Variants in FAM186B observed in about 807,000 individuals in gnomAD.
FAM186B encodes protein FAM186B.
FAM186B carries 68 observed loss-of-function variants against 83.4 expected under a neutral mutation model. The observed-to-expected ratio is 0.81, with a 90% CI of 0.67 to 1.00. FAM186B has a LOEUF of 1.00. Among genes scored for constraint, FAM186B ranks in the 50% least tolerant of loss-of-function variants. The pLI, the probability that FAM186B is intolerant of heterozygous loss-of-function variation, is 0.00. For missense variants in FAM186B, 983 were observed against 1,099.2 expected (o/e 0.89, Z 1.49); for synonymous variants, 389 against 422.0 (o/e 0.92, Z 0.96).
Position 49,599,809 on chromosome 12 carries a change from T to G in FAM186B, c.1831A>C (p.Met611Leu). 1.2e-6 allele frequency: 2 copies of G among 1,613,348 alleles called. No homozygotes were observed. Among genetic ancestry groups the G allele is most frequent in the Non-Finnish European group, 1.7e-6 (2 of 1,179,570 alleles). ...CTGTAGGTAAACTCCACTGAACTCA[T>G]AGGTCTCTGCTTTCCCAGGGCAGGC... is the stretch of plus-strand genomic sequence containing the variant. ...QQPALGKQRP[M>L]SSVEFTYRPR... is the part of the protein sequence containing the mutation. Residue 611 changes from methionine (M) to leucine (L), a missense_variant, in exon 4 of 7, where the codon ATG (methionine) becomes CTG (leucine). By Grantham distance (15) the Met-to-Leu change is conservative. Transcript: ENST00000257894.
At chr12:49,582,904 G>A, downstream of FAM186B, 1 of 401,132 alleles carries the variant, frequency 2.5e-6, no homozygotes, top group Admixed American at 2.9e-5. Context: ...ATATATATTT[G>A]TCTTCCAACC....
the FAM186B span, among the ~76,000 whole-genome samples, chr12:49,613,951 C>A: frequency 6.6e-6 from 1 of 152,052 alleles, no homozygotes; most frequent in African/African-American, 2.4e-5. Flanking sequence ...GAGTTCAAGA[C>A]CAGCCTGGCC....
At chr12:49,610,210 A>G (rs950150352), upstream of FAM186B, among the ~76,000 whole-genome samples, 4 of 152,124 alleles carry the variant, frequency 2.6e-5, no homozygotes, top group Admixed American at 2.6e-4. Context: ...CCCCACACAC[A>G]AATTAGAATT....
At chr12:49,619,570 C>A in the FAM186B span, 1 of 681,010 alleles carries the variant, frequency 1.5e-6, no homozygotes, top group East Asian at 2.9e-5. Context: ...TTGGTATGGG[C>A]TATCATTCCA....
chr12:49,604,801 A>G, intron 1 of FAM186B: 1 of 357,562 alleles, frequency 2.8e-6, no homozygotes, highest in Non-Finnish European at 5.0e-6. Flanking sequence ...TAAGAAGGTC[A>G]AGAAAGTATA....
chr12:49,598,672 C>T (rs566851217), intron 5 of FAM186B, 83 bp downstream of exon 5: 22 of 1,275,244 alleles, frequency 1.7e-5, no homozygotes, highest in African/African-American at 4.5e-5. Flanking sequence ...CACATCCCCA[C>T]GGGTTCATTT....
downstream of FAM186B, among the ~76,000 whole-genome samples, chr12:49,585,720 GGGAGCC>G (rs1302678463): frequency 6.6e-6 from 1 of 152,216 alleles, no homozygotes; most frequent in Non-Finnish European, 1.5e-5. Flanking sequence ...GCATGGCCAG[GGGAGCC>G]GGTGAGGTCG....
the FAM186B span, among the ~76,000 whole-genome samples, chr12:49,611,561 T>A: frequency 7.1e-6 from 1 of 141,162 alleles, no homozygotes; most frequent in African/African-American, 2.7e-5. Flanking sequence ...CTCAAAAAAA[T>A]AAATAAATAA....
At chr12:49,614,848 G>C in the FAM186B span, among the ~76,000 whole-genome samples, 2 of 152,072 alleles carry the variant, frequency 1.3e-5, no homozygotes, top group African/African-American at 2.4e-5. Context: ...CTACACACTG[G>C]GGCCGGGCGC....
intron 6 of FAM186B, among the ~76,000 whole-genome samples, 182 bp downstream of exon 6, chr12:49,588,272 C>G (rs559479925): frequency 1.3e-5 from 2 of 152,368 alleles, no homozygotes; most frequent in East Asian, 1.9e-4. Flanking sequence ...ACATACACCC[C>G]ACCTGTGGGT....
upstream of FAM186B, among the ~76,000 whole-genome samples, chr12:49,610,177 AT>A (rs1485714941): frequency 6.6e-6 from 1 of 152,106 alleles, no homozygotes; most frequent in Non-Finnish European, 1.5e-5. Context: ...AGGGAAAGAA[AT>A]AAAAAGAAAA....
upstream of FAM186B, among the ~76,000 whole-genome samples, chr12:49,610,424 GA>G (rs1327052055): frequency 6.6e-6 from 1 of 152,194 alleles, no homozygotes; most frequent in Non-Finnish European, 1.5e-5. Context: ...TCAACCTAAA[GA>G]AACTTCTAAA....
At position 49,599,459 on chromosome 12, in the gene FAM186B, GAGGACC is replaced by G; in HGVS notation, c.2171+4_2171+9del. ...AGGTGGGTGCCAGGTGGGTTCCAGGGAGGACCTACCGGAGGCTCTGGAGGCGTCTAT... is the reference window on the plus strand; with the variant it reads ...AGGTGGGTGCCAGGTGGGTTCCAGGGTACCGGAGGCTCTGGAGGCGTCTAT... On this transcript the variant is annotated splice_donor_5th_base_variant and intron_variant, in intron 4 of 6. Transcript: ENST00000257894. 6.6e-7 allele frequency: 1 copy of G among 1,521,152 alleles called. No individual in the cohort carries two copies. The allele number at this position is 1,521,152 out of a possible 1,614,324, so 94.2% of individuals were successfully genotyped here.
the FAM186B span, among the ~76,000 whole-genome samples, chr12:49,620,221 T>A: frequency 1.2e-4 from 19 of 152,164 alleles, no homozygotes; most frequent in Non-Finnish European, 2.1e-4. Flanking sequence ...ATAAAATTAG[T>A]TCTAAAGAAG....
the FAM186B span, among the ~76,000 whole-genome samples, chr12:49,613,599 G>A: frequency 6.6e-6 from 1 of 152,022 alleles, no homozygotes; most frequent in East Asian, 1.9e-4. Flanking sequence ...CAGAACTTTG[G>A]GAGGCTGAGG....
In FAM186B at chr12:49,603,379, A is replaced by T; in HGVS notation, c.323-12T>A. 4 of 1,613,906 alleles carry T rather than the reference A, an allele frequency of 2.5e-6. No individual in the cohort carries two copies. The highest frequency in any genetic ancestry group is 3.4e-6 in the Non-Finnish European group (4 of 1,179,912). ...GGTCAGAGTGTCACCTGGAGAAGGGATGGGAGGTGCAGGCTGAGAGCAGTC... is the reference window on the plus strand; with the variant it reads ...GGTCAGAGTGTCACCTGGAGAAGGGTTGGGAGGTGCAGGCTGAGAGCAGTC... On this transcript the variant is annotated splice_polypyrimidine_tract_variant and intron_variant, in intron 2 of 6. Transcript: ENST00000257894.
chr12:49,608,767 C>G (rs1592559778), upstream of FAM186B, among the ~76,000 whole-genome samples: 1 of 151,542 alleles, frequency 6.6e-6, no homozygotes, highest in East Asian at 2.0e-4. Context: ...CTCTTTCCAT[C>G]CAGTGGAAAG....
the FAM186B span, among the ~76,000 whole-genome samples, chr12:49,619,907 T>C: frequency 6.6e-6 from 1 of 151,996 alleles, no homozygotes; most frequent in African/African-American, 2.4e-5. Context: ...CTTGTACTCC[T>C]AACCTCAAGT....
At chr12:49,585,208 TGG>T (rs763133828), downstream of FAM186B, among the ~76,000 whole-genome samples, 84 of 152,110 alleles carry the variant, frequency 5.5e-4, no homozygotes, top group Non-Finnish European at 1.1e-3. Flanking sequence ...TTAGTAGAGA[TGG>T]GGTTTCACCA....
Sources: allele counts gnomAD v4.1 joint callset (sites outside exome capture counted in the v4.1 genomes callset), GRCh38; gene constraint gnomAD v4.1.1; transcripts MANE v1.5; gene names NCBI Gene and HGNC (gene_info 2026-07-23, HGNC 2026-07-21).